The following ADARB2 variants were observed in gnomAD, a reference collection of about 807,000 sequenced individuals.
ADARB2 encodes the protein adenosine deaminase RNA specific B2 (inactive).
A neutral mutation model predicts 62.2 loss-of-function variants in ADARB2; 25 were observed. The ratio of observed to expected loss-of-function variants is 0.40; its 90% confidence interval spans 0.29 to 0.56. ADARB2 has a LOEUF of 0.56. Ranked by LOEUF, ADARB2 falls within the 20% of genes least tolerant of loss-of-function variation. The pLI is 0.43. For missense variants in ADARB2, 1,071 were observed against 1,077.4 expected (o/e 0.99, Z 0.08); for synonymous variants, 572 against 500.8 (o/e 1.14, Z -1.90).
intron 1 of ADARB2, among the ~76,000 whole-genome samples, chr10:1,484,759 T>A (rs887105201): frequency 3.3e-5 from 5 of 152,090 alleles, no homozygotes; most frequent in African/African-American, 1.2e-4. Flanking sequence ...TATAGGTACA[T>A]ATACAGGGAG....
At chr10:1,328,734 T>C (rs981487807) in intron 3 of ADARB2, among the ~76,000 whole-genome samples, 1 of 152,082 alleles carries the variant, frequency 6.6e-6, no homozygotes, top group Admixed American at 6.5e-5. Flanking sequence ...CTCATATCTG[T>C]AACCCCAGCA....
At chr10:1,543,156 C>T (rs1832463992) in intron 1 of ADARB2, among the ~76,000 whole-genome samples, 1 of 152,202 alleles carries the variant, frequency 6.6e-6, no homozygotes, top group Non-Finnish European at 1.5e-5. Flanking sequence ...TCTGCGTTCC[C>T]ACGGTGCAGG....
intron 1 of ADARB2, among the ~76,000 whole-genome samples, chr10:1,582,371 C>T (rs1351516445): frequency 6.6e-6 from 1 of 152,196 alleles, no homozygotes; most frequent in East Asian, 1.9e-4. Context: ...CACTGACCCA[C>T]AGCTGGTAGA....
chr10:1,640,777 G>T (rs1833971295), intron 1 of ADARB2, among the ~76,000 whole-genome samples: 1 of 152,148 alleles, frequency 6.6e-6, no homozygotes, highest in Non-Finnish European at 1.5e-5. Flanking sequence ...TATATCATTT[G>T]AAAAATATAT....
chr10:1,664,206 G>A (rs188369439), intron 1 of ADARB2, among the ~76,000 whole-genome samples: 109 of 152,036 alleles, frequency 7.2e-4, no homozygotes, highest in African/African-American at 2.3e-3. Context: ...CTGTGTGTCC[G>A]TGTTTCCATG....
chr10:1,446,022 A>C (rs554095119), intron 1 of ADARB2, among the ~76,000 whole-genome samples: 1 of 151,920 alleles, frequency 6.6e-6, no homozygotes, highest in East Asian at 1.9e-4. Flanking sequence ...TACTCCCTAG[A>C]GTAAGGTTCT....
chr10:1,242,307 C>T lies in ADARB2; in HGVS notation c.1193-8G>A. 6.5e-7 allele frequency: 1 copy of T among 1,549,330 alleles called. No homozygotes were observed. Among genetic ancestry groups the T allele is most frequent in the African/African-American group, 1.4e-5 (1 of 73,644 alleles). ...CCTGCCGAGCATCCAGGCCTGGGGA[C>T]ACAGATAGCATCAGAGCAGCGTGGC... On this transcript the variant is annotated splice_region_variant and splice_polypyrimidine_tract_variant and intron_variant, in intron 4 of 9. Coordinates refer to ENST00000381312, the MANE Select transcript of ADARB2 (RefSeq NM_018702.4).
chr10:1,680,024 G>A lies in ADARB2; in HGVS notation c.100+57027C>T, dbSNP rs140796397. ...ACCTGCCAGGCAGTGCTCCAGTGCC[G>A]TGGCCAGCGACCCCACTCCCCCAGG... On this transcript the variant is annotated intron_variant, in intron 1 of 9. Transcript: ENST00000381312. Among the ~76,000 whole-genome samples, 123 of 152,186 alleles carry A rather than the reference G, an allele frequency of 8.1e-4. 2 individuals carry two copies. Among genetic ancestry groups the A allele is most frequent in the Non-Finnish European group, 1.1e-3 (76 of 68,008 alleles).
chr10:1,498,084 CTGTT>C (rs932528561), intron 1 of ADARB2, among the ~76,000 whole-genome samples: 13 of 152,122 alleles, frequency 8.5e-5, no homozygotes, highest in African/African-American at 2.9e-4. Context: ...CCTTGGAAAA[CTGTT>C]TGGGCTGGGC....
chr10:1,633,539 GTCTATCTATCA>G (rs1564352914), intron 1 of ADARB2, among the ~76,000 whole-genome samples: 1 of 79,148 alleles, frequency 1.3e-5, no homozygotes, highest in Non-Finnish European at 3.4e-5. Context: ...CTGTCTGTCT[GTCTATCTATCA>G]TCTATCTATC....
chr10:1,595,344 C>T (rs551529394), intron 1 of ADARB2, among the ~76,000 whole-genome samples: 3 of 152,224 alleles, frequency 2.0e-5, no homozygotes, highest in East Asian at 3.9e-4. Context: ...AACAGGGAGA[C>T]CAGAAAGACC....
chr10:1,482,096 A>G (rs1165957045), intron 1 of ADARB2, among the ~76,000 whole-genome samples: 1 of 152,318 alleles, frequency 6.6e-6, no homozygotes, highest in African/African-American at 2.4e-5. Flanking sequence ...CAGGAAATGT[A>G]ATTATTGGTG....
At chr10:1,672,642 T>G (rs1834403223) in intron 1 of ADARB2, among the ~76,000 whole-genome samples, 3 of 58,364 alleles carry the variant, frequency 5.1e-5, no homozygotes, top group South Asian at 7.1e-4. Context: ...CCCCTCCTCC[T>G]TGCAGGCCCC....
At chr10:1,252,280 G>A (rs1347702965) in intron 4 of ADARB2, among the ~76,000 whole-genome samples, 4 of 152,298 alleles carry the variant, frequency 2.6e-5, no homozygotes, top group African/African-American at 9.6e-5. Context: ...AAGATATAGA[G>A]AGAAAGGAAT....
At chr10:1,362,346 G>T (rs551853514) in intron 3 of ADARB2, among the ~76,000 whole-genome samples, 1 of 152,322 alleles carries the variant, frequency 6.6e-6, no homozygotes, top group South Asian at 2.1e-4. Flanking sequence ...TTGTTGCTTC[G>T]TTCTTTCCTT....
intron 6 of ADARB2, among the ~76,000 whole-genome samples, chr10:1,224,404 G>GT (rs745571850): frequency 6.6e-6 from 1 of 151,918 alleles, no homozygotes; most frequent in African/African-American, 2.4e-5. Context: ...TTTTTGAAGG[G>GT]TTTTTTGTGT....
At chr10:1,535,108 G>C (rs976379182) in intron 1 of ADARB2, 3 of 166,256 alleles carry the variant, frequency 1.8e-5, no homozygotes. Flanking sequence ...TCCTCAACAG[G>C]ATTTTGGTGA....
intron 1 of ADARB2, among the ~76,000 whole-genome samples, chr10:1,708,966 T>C (rs1834922008): frequency 6.6e-6 from 1 of 151,584 alleles, no homozygotes; most frequent in Non-Finnish European, 1.5e-5. Context: ...ACACCTGAGG[T>C]AAGGAAAGGA....
At chr10:1,684,317 T>C (rs1228607011) in intron 1 of ADARB2, among the ~76,000 whole-genome samples, 1 of 152,202 alleles carries the variant, frequency 6.6e-6, no homozygotes, top group Non-Finnish European at 1.5e-5. Flanking sequence ...CCAGGGCCTG[T>C]ACGAAAACCT....
Sources: gnomAD v4.1 joint callset for allele counts (sites outside exome capture counted in the v4.1 genomes callset) on GRCh38, gnomAD v4.1.1 for gene constraint, MANE v1.5 for transcripts, NCBI Gene and HGNC (gene_info 2026-07-23, HGNC 2026-07-21) for gene names.